The following GBP1 variants were observed in gnomAD, a reference collection of about 807,000 sequenced individuals.
GBP1 encodes guanylate binding protein 1.
A neutral mutation model predicts 69.5 loss-of-function variants in GBP1; 64 were observed. The ratio of observed to expected loss-of-function variants is 0.92; its 90% CI spans 0.75 to 1.13. GBP1 has a LOEUF of 1.13. Ranked by LOEUF, GBP1 falls within the 50% of genes most tolerant of loss-of-function variation. The pLI, the probability that GBP1 is intolerant of heterozygous loss-of-function variation, is 0.00. For missense variants in GBP1, 630 were observed against 704.1 expected (o/e 0.89, Z 1.19); for synonymous variants, 250 against 261.2 (o/e 0.96, Z 0.41).
In GBP1 at chr1:89,056,163, G is replaced by A. The variant is rs146995942; in HGVS notation, c.1221C>T (p.Cys407=). 1.7e-4 allele frequency: 272 copies of A among 1,613,812 alleles called. No homozygotes were observed. In the African/African-American group the frequency reaches 3.3e-3, roughly 20 times the overall value. ...KQNQEASSDR[C]SALLQVIFSP... ...TGAAAATGACCTGAAGTAAAGCTGA[G>A]CAACGATCTGATGATGCTTCCTGAT... The change falls in exon 8 of 11, where the codon TGC becomes TGT. Residue 407 remains cysteine (C), a synonymous_variant. Coordinates refer to ENST00000370473, the MANE Select transcript of GBP1 (RefSeq NM_002053.3).
At chr1:89,059,729 GC>G (rs1218065548) in intron 3 of GBP1, among the ~76,000 whole-genome samples, 2 of 151,698 alleles carry the variant, frequency 1.3e-5, no homozygotes, top group Non-Finnish European at 2.9e-5. Flanking sequence ...GCATTTTAAG[GC>G]CTGAGTACAA....
At chr1:89,055,757 A>C (rs1416880315) in intron 8 of GBP1, 6 of 540,884 alleles carry the variant, frequency 1.1e-5, no homozygotes, top group African/African-American at 9.5e-5. Flanking sequence ...GGAAAAGCCC[A>C]GCTGTAATGA....
chr1:89,063,516 T>C (rs1680257298), intron 1 of GBP1, among the ~76,000 whole-genome samples: 2 of 152,216 alleles, frequency 1.3e-5, no homozygotes, highest in African/African-American at 4.8e-5. Flanking sequence ...AACTTTCTTT[T>C]TGGATTCTTA....
chr1:89,062,822 G>A (rs533088791), intron 2 of GBP1: 22 of 536,678 alleles, frequency 4.1e-5, no homozygotes, highest in African/African-American at 2.8e-4. Flanking sequence ...TTTAGGAGAG[G>A]CATAATTTGT....
At chr1:89,062,027 A>T (rs1557751306) in intron 2 of GBP1, among the ~76,000 whole-genome samples, 1 of 151,900 alleles carries the variant, frequency 6.6e-6, no homozygotes, top group Non-Finnish European at 1.5e-5. Flanking sequence ...GTTGGTGAGG[A>T]TGTAGAGAAA....
Position 89,057,984 on chromosome 1 carries a change from G to A in GBP1, c.874+8C>T. The A allele has an allele frequency of 6.2e-7, 1 of 1,608,614 alleles. No homozygotes were observed. The highest frequency in any genetic ancestry group is 8.5e-7 in the Non-Finnish European group (1 of 1,176,916). On this transcript the variant is annotated splice_region_variant and intron_variant, in intron 6 of 10. Coordinates refer to ENST00000370473, the MANE Select transcript of GBP1 (RefSeq NM_002053.3). Reference sequence around the variant, plus strand: ...ACAATGAGCAGAAGTACTAGGAAGGGGACTTACGAGGCCCGTTGACCTGGA... The same window carrying A: ...ACAATGAGCAGAAGTACTAGGAAGGAGACTTACGAGGCCCGTTGACCTGGA...
intron 2 of GBP1, among the ~76,000 whole-genome samples, chr1:89,061,986 T>C (rs1472672284): frequency 6.9e-6 from 1 of 144,706 alleles, no homozygotes; most frequent in Non-Finnish European, 1.5e-5. Context: ...ATGGCCACTA[T>C]AAAAAAAAAA....
rs1679961066 is a variant in GBP1, at chr1:89,053,180, GTCT to G, written c.*172_*174del. On this transcript the variant is annotated 3_prime_UTR_variant, in exon 11 of 11. Coordinates refer to ENST00000370473, the MANE Select transcript of GBP1 (RefSeq NM_002053.3). Reference sequence around the variant, plus strand: ...ATGCATCTTTGTTGCACAATTTACAGTCTTTTTTTTTTTTTAAGAAAAAACATG... The same window carrying G: ...ATGCATCTTTGTTGCACAATTTACAGTTTTTTTTTTTTAAGAAAAAACATG... 1 of 516,428 alleles carries G rather than the reference GTCT, an allele frequency of 1.9e-6. No homozygotes were observed. Among genetic ancestry groups the G allele is most frequent in the Admixed American group, 3.9e-5 (1 of 25,656 alleles). 32.0% of individuals were successfully genotyped at this position (516,428 alleles called of 1,614,324 possible). A position where few individuals can be genotyped will look rare whatever the true frequency, so the allele number is the denominator to read the frequency against.
intron 1 of GBP1, among the ~76,000 whole-genome samples, chr1:89,064,410 G>T (rs2101238451): frequency 6.6e-6 from 1 of 152,236 alleles, no homozygotes; most frequent in South Asian, 2.1e-4. Context: ...TTTCTGTAGA[G>T]ATGCATTACA....
Position 89,063,211 on chromosome 1 carries a change from T to A in GBP1, c.24A>T (p.Thr8=). The A allele has an allele frequency of 6.2e-7, 1 of 1,614,096 alleles. No individual in the cohort carries two copies. The highest frequency in any genetic ancestry group is 1.1e-5 in the South Asian group (1 of 91,084). Residue 8 remains threonine (T), a synonymous_variant, in exon 2 of 11, where the codon ACA becomes ACT. Transcript: ENST00000370473. The part of the protein sequence containing the change: MASEIHM[T]GPMCLIENTN... ...TGTTCTCAATGAGGCACATTGGGCC[T>A]GTCATGTGGATCTCTGATGCCATGT...
intron 7 of GBP1, 68 bp downstream of exon 7, chr1:89,056,786 A>G (rs1206853216): frequency 6.7e-7 from 1 of 1,496,878 alleles, no homozygotes; most frequent in Non-Finnish European, 9.1e-7. Flanking sequence ...AATAAATAAT[A>G]GTTTTCTTTC....
chr1:89,054,915 A>T (rs1680007018), intron 9 of GBP1, 40 bp from the exon 10 acceptor site: 1 of 1,600,352 alleles, frequency 6.2e-7, no homozygotes, highest in African/African-American at 1.3e-5. Context: ...GTGTGGGGTT[A>T]TCTTGTTGCC....
At position 89,056,836 on chromosome 1, in the gene GBP1, A is replaced by T. The variant is rs1204613250; in HGVS notation, c.1155+18T>A. Reference sequence around the variant, plus strand: ...GCTTCTATGACCCTAAACCGTATACATTTGAGACAAAAATTACCGCTAACT... The same window carrying T: ...GCTTCTATGACCCTAAACCGTATACTTTTGAGACAAAAATTACCGCTAACT... On this transcript the variant is annotated intron_variant, in intron 7 of 10. Transcript: ENST00000370473. The T allele has an allele frequency of 3.1e-6, 5 of 1,612,536 alleles. No homozygotes were observed. In the Admixed American group the frequency reaches 5.0e-5, roughly 16 times the overall value.
chr1:89,062,458 TAG>T (rs1002267677), intron 2 of GBP1, among the ~76,000 whole-genome samples: 3 of 152,200 alleles, frequency 2.0e-5, no homozygotes, highest in East Asian at 3.8e-4. Context: ...GTCAAATTCA[TAG>T]AGATAGAATG....
chr1:89,055,899 A>G, intron 8 of GBP1, 117 bp downstream of exon 8: 1 of 1,236,148 alleles, frequency 8.1e-7, no homozygotes, highest in Admixed American at 1.8e-5. Context: ...ATTGAATAAA[A>G]GCATGAATGT....
At position 89,056,956 on chromosome 1, in the gene GBP1, C is replaced by T; in HGVS notation, c.1053G>A (p.Gln351=). 1 of 1,614,224 alleles carries T rather than the reference C, an allele frequency of 6.2e-7. No homozygotes were observed. The highest frequency in any genetic ancestry group is 8.5e-7 in the Non-Finnish European group (1 of 1,180,026). Residue 351 remains glutamine, a synonymous_variant, in exon 7 of 11, where the codon CAG becomes CAA. Coordinates refer to ENST00000370473, the MANE Select transcript of GBP1 (RefSeq NM_002053.3). ...QKVQLPTETL[Q]ELLDLHRDSE... ...TGTCCCTGTGCAGGTCCAGCAGCTC[C>T]TGGAGGGTTTCTGTGGGCAGCTGCA...
At chr1:89,060,745 T>C (rs149993612) in intron 2 of GBP1, among the ~76,000 whole-genome samples, 3,360 of 152,346 alleles carry the variant, frequency 0.022, 61 homozygotes, top group Non-Finnish European at 0.034. Flanking sequence ...GGCATCCTAA[T>C]TGGTAATGAA....
chr1:89,063,317 T>G, intron 1 of GBP1, 64 bp from the exon 2 acceptor site: 2 of 1,486,012 alleles, frequency 1.3e-6, no homozygotes, highest in African/African-American at 1.4e-5. Context: ...GGGAGAATCA[T>G]AAGATTCCCC....
At chr1:89,054,925 C>G (rs1181183324) in intron 9 of GBP1, 50 bp from the exon 10 acceptor site, 1 of 1,590,912 alleles carries the variant, frequency 6.3e-7, no homozygotes, top group Admixed American at 1.7e-5. Flanking sequence ...ATCTTGTTGC[C>G]TCATTCTTCC....
Sources: gnomAD v4.1 joint callset for allele counts (sites outside exome capture counted in the v4.1 genomes callset) on GRCh38, gnomAD v4.1.1 for gene constraint, MANE v1.5 for transcripts, NCBI Gene and HGNC (gene_info 2026-07-23, HGNC 2026-07-21) for gene names.